The following STARD10 variants were observed in gnomAD, a reference collection of about 807,000 sequenced individuals.
STARD10 encodes the protein START domain-containing protein 10.
In STARD10, 24 loss-of-function variants were observed where a neutral mutation model predicts 36.0. That is an observed-to-expected ratio of 0.67 (90% CI 0.48 to 0.94). The LOEUF (loss-of-function observed/expected upper bound fraction) is 0.94, where lower values mean the gene tolerates loss of function less well. Ranked by LOEUF, STARD10 falls within the 40% of genes least tolerant of loss-of-function variation. The pLI is 0.00. For synonymous variants in STARD10, 156 were observed against 161.9 expected (o/e 0.96, Z 0.28); for missense variants, 335 against 396.6 (o/e 0.84, Z 1.32).
chr11:72,775,682 A>T (rs1858920624), intron 2 of STARD10, among the ~76,000 whole-genome samples: 1 of 152,150 alleles, frequency 6.6e-6, no homozygotes, highest in Non-Finnish European at 1.5e-5. Context: ...TGTGTGTCTC[A>T]GCACCCAGCT....
At chr11:72,755,852 T>C (rs2291291) in intron 5 of STARD10, 99 bp from the exon 6 acceptor site, 125,043 of 1,132,578 alleles carry the variant, frequency 0.11, 9,381 homozygotes, top group African/African-American at 0.34. Flanking sequence ...GGGAGGCCAC[T>C]GTCTTCCCCA....
At chr11:72,755,650 G>A in intron 6 of STARD10, 51 bp downstream of exon 6, 1 of 1,598,782 alleles carries the variant, frequency 6.3e-7, no homozygotes, top group Admixed American at 1.7e-5. Flanking sequence ...TCATTCCATA[G>A]TCCTCTTTCC....
chr11:72,754,861 C>A lies in STARD10; in HGVS notation c.*36G>T. On this transcript the variant is annotated 3_prime_UTR_variant, in exon 7 of 7. Transcript: ENST00000334805. ...GGAGCGGCCGCCGCCCCAGGGCTCG[C>A]CCGGTCCTGTCTCCGTCCCTGAAGC... 6.3e-7 allele frequency: 1 copy of A among 1,578,708 alleles called. No homozygotes were observed. The highest frequency in any genetic ancestry group is 8.5e-7 in the Non-Finnish European group (1 of 1,169,934).
intron 2 of STARD10, 58 bp from the exon 3 acceptor site, chr11:72,759,439 G>T: frequency 6.3e-7 from 1 of 1,599,902 alleles, no homozygotes; most frequent in Admixed American, 1.7e-5. Flanking sequence ...CTTGGCCAGG[G>T]GACCAGAAGG....
Position 72,754,975 on chromosome 11 carries a change from G to A in STARD10, c.798C>T (p.Ser266=), listed in dbSNP as rs771940122. 1.7e-5 allele frequency: 28 copies of A among 1,610,898 alleles called. No individual in the cohort carries two copies. In the South Asian group the frequency reaches 2.1e-4, roughly 12 times the overall value. The change falls in exon 7 of 7, where the codon AGC becomes AGT. Residue 266 remains serine (S), a synonymous_variant. Transcript: ENST00000334805. The part of the protein sequence containing the change: ...HADSLENIDE[S]AVAESREERM... ...GCTCCTCTCTGCTCTCGGCCACCGC[G>A]CTCTCGTCGATGTTCTCCAGTGAGT... is the stretch of plus-strand genomic sequence containing the variant.
At chr11:72,791,252 G>A (rs971964811) in intron 1 of STARD10, among the ~76,000 whole-genome samples, 1 of 152,090 alleles carries the variant, frequency 6.6e-6, no homozygotes, top group South Asian at 2.1e-4. Context: ...CAGGTCTGAG[G>A]GCAATCCTGG....
chr11:72,784,484 A>C (rs1859046525), intron 1 of STARD10, among the ~76,000 whole-genome samples: 1 of 152,180 alleles, frequency 6.6e-6, no homozygotes, highest in East Asian at 1.9e-4. Context: ...AAGTAACTAA[A>C]AATATAACTG....
At chr11:72,762,278 T>C (rs1189781838) in intron 2 of STARD10, among the ~76,000 whole-genome samples, 1 of 152,100 alleles carries the variant, frequency 6.6e-6, no homozygotes, top group African/African-American at 2.4e-5. Flanking sequence ...TCTGAAATAA[T>C]GAAAACAATT....
chr11:72,776,107 A>G (rs886164539), intron 2 of STARD10, among the ~76,000 whole-genome samples: 39 of 152,208 alleles, frequency 2.6e-4, no homozygotes, highest in Non-Finnish European at 8.8e-5. Flanking sequence ...ATGCCAAGTC[A>G]GAGCTGGAAC....
chr11:72,779,966 T>G (rs1205421737), intron 2 of STARD10, among the ~76,000 whole-genome samples: 1 of 151,844 alleles, frequency 6.6e-6, no homozygotes, highest in East Asian at 1.9e-4. Context: ...TGAGACTAGG[T>G]CCCAGGCAGA....
Position 72,759,325 on chromosome 11 carries a change from G to A in STARD10, c.264C>T (p.Asp88=), listed in dbSNP as rs1327663447. 6.2e-7 allele frequency: 1 copy of A among 1,614,168 alleles called. No homozygotes were observed. The highest frequency in any genetic ancestry group is 1.1e-5 in the South Asian group (1 of 91,086). Residue 88 remains aspartate, a synonymous_variant, in exon 3 of 7, where the codon GAC becomes GAT. Coordinates refer to ENST00000334805, the MANE Select transcript of STARD10 (RefSeq NM_006645.3). ...TGTCCCATTTCTTGCGGTACTCAATGTCGTGTAGGACGTCGTAGAGTGTCT... is the reference window on the plus strand; with the variant it reads ...TGTCCCATTTCTTGCGGTACTCAATATCGTGTAGGACGTCGTAGAGTGTCT... ...PAETLYDVLH[D]IEYRKKWDSN... is the part of the protein sequence containing the mutation.
chr11:72,770,862 T>C (rs1352789250), intron 2 of STARD10, among the ~76,000 whole-genome samples: 1 of 151,170 alleles, frequency 6.6e-6, no homozygotes, highest in Non-Finnish European at 1.5e-5. Context: ...CGGCATGGAC[T>C]GGTTGGGGGA....
At chr11:72,758,921 A>T (rs920328637) in intron 3 of STARD10, among the ~76,000 whole-genome samples, 7 of 152,254 alleles carry the variant, frequency 4.6e-5, no homozygotes, top group Non-Finnish European at 8.8e-5. Flanking sequence ...AGAGAAAAAC[A>T]GTATGAGTGT....
At chr11:72,768,977 T>G (rs1858826331) in intron 2 of STARD10, among the ~76,000 whole-genome samples, 1 of 152,240 alleles carries the variant, frequency 6.6e-6, no homozygotes, top group Admixed American at 6.5e-5. Context: ...TCAGTGCATC[T>G]GTATAATTCA....
Position 72,781,236 on chromosome 11 carries a change from C to G in STARD10, c.-55G>C. The G allele has an allele frequency of 6.6e-7, 1 of 1,518,232 alleles. No individual in the cohort carries two copies. The highest frequency in any genetic ancestry group is 9.0e-7 in the Non-Finnish European group (1 of 1,114,608). 94.0% of individuals were successfully genotyped at this position (1,518,232 alleles called of 1,614,324 possible). ...TCCTAGTCCGGCTCTCCTGGGTCCT[C>G]CGCGGAGGCTCCGACAACGTCGACG... On this transcript the variant is annotated 5_prime_UTR_variant, in exon 2 of 7. Transcript: ENST00000334805. This position sits in a 1 kb window ranked among gnomAD's most constrained non-coding sequence, Gnocchi z 4.7.
intron 1 of STARD10, among the ~76,000 whole-genome samples, 165 bp downstream of exon 1, chr11:72,792,710 T>G (rs1859162976): frequency 6.6e-6 from 1 of 152,090 alleles, no homozygotes; most frequent in Admixed American, 6.6e-5. Context: ...AGGTATCACC[T>G]CCAGCTCCAC....
In STARD10 at chr11:72,781,120, C is replaced by T. The variant is rs1858989152; in HGVS notation, c.62G>A (p.Ser21Asn). ...QGPRPVLGRE[S>N]VQVPDDQDFR... The stretch of plus-strand genomic sequence containing the variant: ...GTCTTGGTCATCGGGCACCTGGACA[C>T]TCTCACGGCCCAGGACCGGCCGAGG... Residue 21 changes from serine to asparagine, a missense_variant, in exon 2 of 7, where the codon AGT (serine) becomes AAT (asparagine). By Grantham distance (46) the Ser-to-Asn change is conservative. Coordinates refer to ENST00000334805, the MANE Select transcript of STARD10 (RefSeq NM_006645.3). This position sits in a 1 kb window ranked among gnomAD's most constrained non-coding sequence, Gnocchi z 4.7. 1.9e-6 allele frequency: 3 copies of T among 1,613,834 alleles called. No individual in the cohort carries two copies. Among genetic ancestry groups the T allele is most frequent in the Non-Finnish European group, 8.5e-7 (1 of 1,180,034 alleles).
chr11:72,778,393 A>G (rs578256323), intron 2 of STARD10, among the ~76,000 whole-genome samples: 9 of 152,364 alleles, frequency 5.9e-5, no homozygotes, highest in Admixed American at 5.9e-4. Context: ...GGCTCAGAGC[A>G]GGGCTCTCAT....
intron 1 of STARD10, among the ~76,000 whole-genome samples, chr11:72,787,661 G>A (rs552189168): frequency 2.0e-5 from 3 of 152,324 alleles, no homozygotes; most frequent in South Asian, 2.1e-4. Context: ...CCAAAAGCCC[G>A]GGAGTTTCCT....
Sources: gnomAD v4.1 joint callset for allele counts (sites outside exome capture counted in the v4.1 genomes callset) on GRCh38, gnomAD v4.1.1 for gene constraint, Gnocchi (gnomAD v3.1) non-coding constraint, MANE v1.5 for transcripts, NCBI Gene and HGNC (gene_info 2026-07-23, HGNC 2026-07-21) for gene names.